KIAA0825: variants seen among roughly 807,000 people sequenced by gnomAD.
KIAA0825 encodes KIAA0825, also known as uncharacterized protein KIAA0825.
KIAA0825 carries 119 observed loss-of-function variants against 147.6 expected under a neutral mutation model. The ratio of observed to expected loss-of-function variants is 0.81; its 90% CI spans 0.69 to 0.94. KIAA0825 has a LOEUF of 0.94. KIAA0825 is among the 40% of genes least tolerant of loss of function. The pLI, the probability that KIAA0825 is intolerant of heterozygous loss-of-function variation, is 0.00. For missense variants in KIAA0825, 1,381 were observed against 1,472.7 expected, an observed-to-expected ratio of 0.94 and a Z score of 1.02; for synonymous variants, 470 against 518.1, an observed-to-expected ratio of 0.91 and a Z score of 1.26.
At chr5:94,585,063 C>T (rs886781299) in intron 1 of KIAA0825, among the ~76,000 whole-genome samples, 1 of 152,188 alleles carries the variant, frequency 6.6e-6, no homozygotes, top group African/African-American at 2.4e-5. Flanking sequence ...AAAGGAACAA[C>T]TAGTACCAGC....
At chr5:94,593,537 T>C in intron 1 of KIAA0825, 1 of 604,930 alleles carries the variant, frequency 1.7e-6, no homozygotes, top group South Asian at 1.9e-5. Context: ...AAGTTTTTTG[T>C]AGCATTGGGA....
chr5:94,464,062 G>A (rs1295610222), intron 11 of KIAA0825, among the ~76,000 whole-genome samples: 1 of 41,612 alleles, frequency 2.4e-5, no homozygotes, highest in Non-Finnish European at 4.2e-5. Context: ...GATTCCTCCT[G>A]CCAAAAAAAA....
intron 5 of KIAA0825, among the ~76,000 whole-genome samples, chr5:94,498,355 T>C (rs1764624042): frequency 6.6e-6 from 1 of 152,144 alleles, no homozygotes; most frequent in Admixed American, 6.6e-5. Flanking sequence ...ACCAGGAAGC[T>C]GTTAGGATAT....
chr5:94,329,598 G>A (rs1438949703), intron 20 of KIAA0825, among the ~76,000 whole-genome samples: 1 of 152,046 alleles, frequency 6.6e-6, no homozygotes, highest in Non-Finnish European at 1.5e-5. Context: ...TTCTCACATT[G>A]ATAGAACTAA....
At chr5:94,182,295 T>C (rs1207939030) in intron 20 of KIAA0825, among the ~76,000 whole-genome samples, 1 of 104,374 alleles carries the variant, frequency 9.6e-6, no homozygotes, top group African/African-American at 3.6e-5. Context: ...GGCCTTTCTC[T>C]GTCACCAGGG....
chr5:94,516,479 T>C (rs1322998849), intron 5 of KIAA0825, among the ~76,000 whole-genome samples: 2 of 152,180 alleles, frequency 1.3e-5, no homozygotes, highest in Non-Finnish European at 2.9e-5. Context: ...ACTGAATCAG[T>C]GTAGAAGACA....
chr5:94,464,165 TA>T, intron 11 of KIAA0825, among the ~76,000 whole-genome samples: 1 of 151,840 alleles, frequency 6.6e-6, no homozygotes, highest in Middle Eastern at 3.5e-3. Context: ...TGAATCACAT[TA>T]TACAGAATAT....
At chr5:94,154,338 G>A (rs1766833237) in intron 20 of KIAA0825, among the ~76,000 whole-genome samples, 1 of 152,140 alleles carries the variant, frequency 6.6e-6, no homozygotes, top group African/African-American at 2.4e-5. Context: ...AGTGAAATCA[G>A]CTCCACTTCA....
intron 15 of KIAA0825, among the ~76,000 whole-genome samples, 174 bp from the exon 16 acceptor site, chr5:94,403,967 ATTC>A (rs1344476076): frequency 2.4e-5 from 3 of 122,668 alleles, no homozygotes; most frequent in Admixed American, 2.3e-4. Flanking sequence ...TTTTAAAAAG[ATTC>A]TTCTTCTTTG....
chr5:94,579,168 C>T (rs147294225), intron 2 of KIAA0825, among the ~76,000 whole-genome samples: 3,086 of 152,266 alleles, frequency 0.02, 83 homozygotes, highest in African/African-American at 0.06. Flanking sequence ...GATCTGCCCA[C>T]CTCGGCCTCC....
intron 20 of KIAA0825, among the ~76,000 whole-genome samples, chr5:94,174,242 C>A (rs1160022977): frequency 6.6e-6 from 1 of 152,088 alleles, no homozygotes; most frequent in Non-Finnish European, 1.5e-5. Flanking sequence ...GAAGTCTAAG[C>A]TTTGGAAAAA....
intron 5 of KIAA0825, among the ~76,000 whole-genome samples, chr5:94,488,135 G>A (rs538379390): frequency 1.1e-3 from 170 of 152,266 alleles, no homozygotes; most frequent in African/African-American, 3.8e-3. Flanking sequence ...TGTTGCCCAG[G>A]CTGGCCCTCC....
intron 5 of KIAA0825, among the ~76,000 whole-genome samples, chr5:94,495,810 C>T (rs1271965441): frequency 6.6e-6 from 1 of 152,148 alleles, no homozygotes; most frequent in Non-Finnish European, 1.5e-5. Context: ...ACTGGGCTCA[C>T]TTATGGTTTG....
At chr5:94,308,610 C>T (rs879494293) in intron 20 of KIAA0825, among the ~76,000 whole-genome samples, 2 of 151,770 alleles carry the variant, frequency 1.3e-5, no homozygotes, top group Non-Finnish European at 2.9e-5. Context: ...AAAGATTACT[C>T]ATGTTTTAAA....
chr5:94,296,366 G>A (rs1188772601), intron 20 of KIAA0825, among the ~76,000 whole-genome samples: 3 of 152,044 alleles, frequency 2.0e-5, no homozygotes, highest in Admixed American at 2.0e-4. Flanking sequence ...ATCCACTATA[G>A]ACCACTTGGC....
At chr5:94,534,962 A>G (rs1417264315) in intron 3 of KIAA0825, among the ~76,000 whole-genome samples, 2 of 152,146 alleles carry the variant, frequency 1.3e-5, no homozygotes, top group African/African-American at 2.4e-5. Context: ...GCGTCATAAA[A>G]TACATAAATA....
chr5:94,330,798 C>T (rs1472514553), intron 20 of KIAA0825, among the ~76,000 whole-genome samples: 1 of 152,040 alleles, frequency 6.6e-6, no homozygotes, highest in Non-Finnish European at 1.5e-5. Context: ...TTCTTCCCTT[C>T]CCCTCAAAAG....
chr5:94,292,025 G>T (rs1417384849), intron 20 of KIAA0825, among the ~76,000 whole-genome samples: 3 of 152,164 alleles, frequency 2.0e-5, no homozygotes, highest in African/African-American at 4.8e-5. Flanking sequence ...AGACGATGGG[G>T]TGTTCTAAAT....
intron 20 of KIAA0825, among the ~76,000 whole-genome samples, chr5:94,341,082 C>T (rs1782320963): frequency 6.6e-6 from 1 of 151,910 alleles, no homozygotes; most frequent in African/African-American, 2.4e-5. Flanking sequence ...TATTCAGCTT[C>T]AAAAAGTAAA....
Sources: gnomAD v4.1 joint callset for allele counts (sites outside exome capture counted in the v4.1 genomes callset) on GRCh38, gnomAD v4.1.1 for gene constraint, MANE v1.5 for transcripts, NCBI Gene and HGNC (gene_info 2026-07-23, HGNC 2026-07-21) for gene names.